MYO5A: variants seen among roughly 807,000 people sequenced by gnomAD.
MYO5A encodes the protein myosin VA.
A neutral mutation model predicts 249.7 loss-of-function variants in MYO5A; 98 were observed. The ratio of observed to expected loss-of-function variants is 0.39; its 90% confidence interval spans 0.33 to 0.46. MYO5A has a LOEUF of 0.46. Ranked by LOEUF, MYO5A falls within the 20% of genes least tolerant of loss-of-function variation. The pLI is 0.98. For missense variants in MYO5A, 1,696 were observed against 2,308.8 expected (o/e 0.73, Z 5.44); for synonymous variants, 778 against 810.6 (o/e 0.96, Z 0.68).
chr15:52,495,102 T>C (rs767344736), intron 1 of MYO5A, among the ~76,000 whole-genome samples: 7 of 152,120 alleles, frequency 4.6e-5, no homozygotes, highest in Non-Finnish European at 8.8e-5. Context: ...CTAAAAAAAT[T>C]AAATTGACTT....
intron 2 of MYO5A, among the ~76,000 whole-genome samples, chr15:52,429,775 T>C (rs539618473): frequency 3.9e-5 from 6 of 152,210 alleles, no homozygotes; most frequent in Non-Finnish European, 7.3e-5. Context: ...TACTATTCAG[T>C]TAATTTTTAA....
intron 1 of MYO5A, among the ~76,000 whole-genome samples, chr15:52,500,024 G>A (rs144982381): frequency 6.6e-6 from 1 of 152,160 alleles, no homozygotes; most frequent in Non-Finnish European, 1.5e-5. Context: ...CTGCACTTCA[G>A]CGTAGGTGAC....
chr15:52,524,093 G>A (rs1008021468), intron 1 of MYO5A, among the ~76,000 whole-genome samples: 2 of 152,156 alleles, frequency 1.3e-5, no homozygotes, highest in Non-Finnish European at 2.9e-5. Context: ...CTTAAGAGCT[G>A]TTTCATCTAG....
intron 1 of MYO5A, among the ~76,000 whole-genome samples, chr15:52,492,273 G>C (rs551325425): frequency 6.6e-6 from 1 of 152,292 alleles, no homozygotes; most frequent in African/African-American, 2.4e-5. Flanking sequence ...ACAGCAAAAA[G>C]ACACGGAGCA....
At chr15:52,436,983 T>C (rs1262969354) in intron 1 of MYO5A, among the ~76,000 whole-genome samples, 1 of 152,232 alleles carries the variant, frequency 6.6e-6, no homozygotes, top group Non-Finnish European at 1.5e-5. Flanking sequence ...TGCAAAGGCT[T>C]ACGCACATAG....
chr15:52,344,116 T>A (rs71472941), intron 30 of MYO5A, among the ~76,000 whole-genome samples: 1 of 152,182 alleles, frequency 6.6e-6, no homozygotes, highest in Admixed American at 6.5e-5. Context: ...TATATTGTTG[T>A]TATGTTTACA....
At position 52,513,116 on chromosome 15, in the gene MYO5A, G is replaced by GTT. The variant is rs1381615684; in HGVS notation, c.27+15663_27+15664insAA. Reference sequence around the variant, plus strand: ...AAGACAGTAGGTTTAGAAAAAGATCGTAAGTCTTAATCACCAGGCTACAGA... The same window carrying GTT: ...AAGACAGTAGGTTTAGAAAAAGATCGTTTAAGTCTTAATCACCAGGCTACAGA... On this transcript the variant is annotated intron_variant, in intron 1 of 41. Coordinates refer to ENST00000399233, the MANE Select transcript of MYO5A (RefSeq NM_001382347.1). Among the ~76,000 whole-genome samples, 3 of 151,402 alleles carry GTT rather than the reference G, an allele frequency of 2.0e-5. No homozygotes were observed. In the South Asian group the frequency reaches 6.3e-4, roughly 32 times the overall value.
intron 4 of MYO5A, among the ~76,000 whole-genome samples, chr15:52,417,005 T>C (rs913753086): frequency 6.6e-6 from 1 of 152,268 alleles, no homozygotes; most frequent in Non-Finnish European, 1.5e-5. Context: ...TTAACATTAT[T>C]TCTTCTGTGT....
chr15:52,501,876 T>TAC (rs10552352), intron 1 of MYO5A, among the ~76,000 whole-genome samples: 2,236 of 140,480 alleles, frequency 0.016, 37 homozygotes, highest in South Asian at 0.044. Flanking sequence ...ATACATATAC[T>TAC]ACACACACAC....
intron 1 of MYO5A, chr15:52,505,179 A>T: frequency 1.3e-6 from 1 of 757,726 alleles, no homozygotes; most frequent in South Asian, 1.4e-5. Flanking sequence ...TCTCAGATAC[A>T]GCCAAAGCCA....
chr15:52,375,761 A>G (rs1016262807), intron 19 of MYO5A, among the ~76,000 whole-genome samples: 1 of 152,246 alleles, frequency 6.6e-6, no homozygotes, highest in Non-Finnish European at 1.5e-5. Flanking sequence ...CATTCTTTCT[A>G]CAACAGGATC....
rs368514143 is a variant in MYO5A, at chr15:52,484,373, G to A, written c.27+44407C>T. Among the ~76,000 whole-genome samples the A allele has an allele frequency of 2.0e-5, 3 of 152,266 alleles. No homozygotes were observed. In the East Asian group the frequency reaches 5.8e-4, roughly 29 times the overall value. ...AAAATAAGAATGTGGATCTGTTCCA[G>A]TAGCCAGGGAGGATAGAGTAGATAT... On this transcript the variant is annotated intron_variant, in intron 1 of 41. Coordinates refer to ENST00000399233, the MANE Select transcript of MYO5A (RefSeq NM_001382347.1).
chr15:52,377,758 A>T (rs898271988), intron 18 of MYO5A, among the ~76,000 whole-genome samples: 1 of 151,882 alleles, frequency 6.6e-6, no homozygotes, highest in Non-Finnish European at 1.5e-5. Context: ...TTTAGTGGAG[A>T]CAGGGTTTCA....
chr15:52,450,579 G>A (rs1349363604), intron 1 of MYO5A, among the ~76,000 whole-genome samples: 1 of 150,622 alleles, frequency 6.6e-6, no homozygotes, highest in African/African-American at 2.4e-5. Flanking sequence ...TGAGGTGGGA[G>A]AACCACTTGA....
In MYO5A at chr15:52,526,055, T is replaced by C. The variant is rs1351217503; in HGVS notation, c.27+2725A>G. On this transcript the variant is annotated intron_variant, in intron 1 of 41. Transcript: ENST00000399233. ...GCTAAGGCCCATTCACAAAAAGAATTTGCCAACAAATAACCAAGTAACCAG... is the reference window on the plus strand; with the variant it reads ...GCTAAGGCCCATTCACAAAAAGAATCTGCCAACAAATAACCAAGTAACCAG... 2.0e-5 allele frequency among the ~76,000 whole-genome samples: 3 copies of C among 152,296 alleles called. No individual in the cohort carries two copies. The East Asian group carries it at 5.8e-4, about 29-fold the overall frequency.
chr15:52,450,713 G>A (rs1479819884), intron 1 of MYO5A, among the ~76,000 whole-genome samples: 2 of 151,242 alleles, frequency 1.3e-5, no homozygotes, highest in Non-Finnish European at 2.9e-5. Context: ...CTGTCACCCA[G>A]GCTGGTCGTG....
intron 1 of MYO5A, among the ~76,000 whole-genome samples, chr15:52,444,906 C>T (rs2075856393): frequency 6.6e-6 from 1 of 152,154 alleles, no homozygotes; most frequent in African/African-American, 2.4e-5. Context: ...AAACATCAAA[C>T]AACACATACA....
intron 20 of MYO5A, among the ~76,000 whole-genome samples, chr15:52,372,716 AT>A (rs1157463129): frequency 1.3e-5 from 2 of 152,238 alleles, no homozygotes; most frequent in Non-Finnish European, 2.9e-5. Context: ...GAAAAAATAC[AT>A]TAGGTTTCTT....
intron 24 of MYO5A, 116 bp from the exon 25 acceptor site, chr15:52,360,197 C>T (rs747461385): frequency 5.7e-5 from 42 of 735,878 alleles, no homozygotes; most frequent in Admixed American, 1.6e-4. Flanking sequence ...TATTGGTGCC[C>T]AAGTGATTTG....
Sources: allele counts gnomAD v4.1 joint callset (sites outside exome capture counted in the v4.1 genomes callset), GRCh38; gene constraint gnomAD v4.1.1; transcripts MANE v1.5; gene names NCBI Gene and HGNC (gene_info 2026-07-23, HGNC 2026-07-21).